The following NCOA2 variants were observed in gnomAD, a reference collection of about 807,000 sequenced individuals.
NCOA2 encodes class E basic helix-loop-helix protein 75.
NCOA2 carries 21 observed loss-of-function variants against 145.1 expected under a neutral mutation model. The observed-to-expected ratio is 0.14, with a 90% CI of 0.10 to 0.21. The LOEUF is 0.21. Ranked by LOEUF, NCOA2 falls within the 10% of genes least tolerant of loss-of-function variation. The pLI is 1.00. For missense variants in NCOA2, 1,472 were observed against 1,837.6 expected, an observed-to-expected ratio of 0.80 and a Z score of 3.64; for synonymous variants, 619 against 637.5, an observed-to-expected ratio of 0.97 and a Z score of 0.44.
chr8:70,268,436 T>C (rs1027237564), intron 2 of NCOA2, among the ~76,000 whole-genome samples: 1 of 152,206 alleles, frequency 6.6e-6, no homozygotes, highest in African/African-American at 2.4e-5. Flanking sequence ...TTTGAACATT[T>C]ACCATTCAGT....
the NCOA2 span, among the ~76,000 whole-genome samples, chr8:70,434,329 C>G: frequency 6.6e-6 from 1 of 152,150 alleles, no homozygotes; most frequent in Non-Finnish European, 1.5e-5. Flanking sequence ...GATACGATAA[C>G]ATTACTTGGA....
chr8:70,128,363 CAG>C, intron 18 of NCOA2, 68 bp downstream of exon 18: 2 of 1,360,538 alleles, frequency 1.5e-6, no homozygotes, highest in Non-Finnish European at 2.1e-6. Context: ...TAACTTTCTT[CAG>C]AGAGGAAGAA....
intron 1 of NCOA2, among the ~76,000 whole-genome samples, chr8:70,382,505 A>T (rs962430671): frequency 1.3e-5 from 2 of 152,216 alleles, no homozygotes; most frequent in African/African-American, 4.8e-5. Flanking sequence ...GGAAAGTTTG[A>T]ATATCTGTTG....
intron 2 of NCOA2, among the ~76,000 whole-genome samples, chr8:70,226,291 G>A (rs1820630939): frequency 6.6e-6 from 1 of 151,974 alleles, no homozygotes; most frequent in Admixed American, 6.6e-5. Flanking sequence ...AGGAAAGAAA[G>A]AAAGAAGAAA....
chr8:70,322,845 T>C (rs1003114184), intron 1 of NCOA2, among the ~76,000 whole-genome samples: 1 of 152,142 alleles, frequency 6.6e-6, no homozygotes, highest in African/African-American at 2.4e-5. Context: ...CCTAATAATA[T>C]AGCCAAAAAA....
chr8:70,454,726 C>G, the NCOA2 span, among the ~76,000 whole-genome samples: 1 of 152,162 alleles, frequency 6.6e-6, no homozygotes, highest in African/African-American at 2.4e-5. Context: ...TTCCACGAGA[C>G]AGGATACCCC....
At chr8:70,339,975 A>G (rs537561640) in intron 1 of NCOA2, among the ~76,000 whole-genome samples, 1 of 152,352 alleles carries the variant, frequency 6.6e-6, no homozygotes, top group African/African-American at 2.4e-5. Context: ...AAAATGCAAA[A>G]CTATAAAAAC....
Position 70,265,919 on chromosome 8 carries a change from C to T in NCOA2, c.-20+30825G>A, listed in dbSNP as rs1824542807. 2.6e-5 allele frequency among the ~76,000 whole-genome samples: 4 copies of T among 151,860 alleles called. No homozygotes were observed. The South Asian group carries it at 6.3e-4, about 24-fold the overall frequency. On this transcript the variant is annotated intron_variant, in intron 2 of 22. Transcript: ENST00000452400. The stretch of plus-strand genomic sequence containing the variant: ...CCAGCACTTTGGGAGGCTGAGGGAT[C>T]ACGAGATCAAGAATTTGAGACCAGC...
intron 2 of NCOA2, among the ~76,000 whole-genome samples, chr8:70,265,307 G>C (rs1162961733): frequency 6.6e-6 from 1 of 152,184 alleles, no homozygotes; most frequent in African/African-American, 2.4e-5. Flanking sequence ...CAGGAAGAGA[G>C]CTCTCACTGG....
intron 4 of NCOA2, among the ~76,000 whole-genome samples, chr8:70,209,584 C>A (rs1039431707): frequency 4.6e-5 from 7 of 152,168 alleles, no homozygotes; most frequent in African/African-American, 1.2e-4. Context: ...CAGCCTTTAG[C>A]AACTCCCACC....
At chr8:70,276,841 C>T (rs777958701) in intron 2 of NCOA2, among the ~76,000 whole-genome samples, 5 of 152,134 alleles carry the variant, frequency 3.3e-5, no homozygotes, top group Non-Finnish European at 7.4e-5. Flanking sequence ...TTCTGATATA[C>T]AGACCTTTAA....
chr8:70,326,118 C>T (rs1806532927), intron 1 of NCOA2, among the ~76,000 whole-genome samples: 2 of 152,178 alleles, frequency 1.3e-5, no homozygotes, highest in Non-Finnish European at 2.9e-5. Context: ...TTTGTCAATT[C>T]TTCCTAGTAC....
chr8:70,216,545 G>A (rs995354409), intron 3 of NCOA2, 115 bp downstream of exon 3: 14 of 833,116 alleles, frequency 1.7e-5, no homozygotes, highest in Non-Finnish European at 2.5e-5. Context: ...AACTGTTAAG[G>A]AGAAAAACCA....
chr8:70,402,901 C>T (rs1461453393), intron 1 of NCOA2, among the ~76,000 whole-genome samples: 1 of 144,110 alleles, frequency 6.9e-6, no homozygotes, highest in African/African-American at 2.5e-5. Flanking sequence ...CACCACGGCC[C>T]GGCCTGCTCG....
At chr8:70,158,351 T>A (rs1404293102) in intron 10 of NCOA2, among the ~76,000 whole-genome samples, 1 of 152,252 alleles carries the variant, frequency 6.6e-6, no homozygotes, top group Non-Finnish European at 1.5e-5. Context: ...ATCATTTTCC[T>A]AAATATGTGC....
intron 1 of NCOA2, among the ~76,000 whole-genome samples, chr8:70,334,174 C>T (rs1444797269): frequency 1.3e-5 from 2 of 152,184 alleles, no homozygotes; most frequent in South Asian, 4.1e-4. Context: ...TTTATATCCT[C>T]CTTATTTATT....
At chr8:70,220,019 C>T (rs1286651594) in intron 2 of NCOA2, among the ~76,000 whole-genome samples, 3 of 152,204 alleles carry the variant, frequency 2.0e-5, no homozygotes, top group Middle Eastern at 6.8e-3. Flanking sequence ...TTTTTCTATA[C>T]AAATGTACAT....
chr8:70,292,600 C>T (rs1229401643), intron 2 of NCOA2, among the ~76,000 whole-genome samples: 3 of 150,822 alleles, frequency 2.0e-5, no homozygotes, highest in Admixed American at 2.0e-4. Context: ...GTAAAAATAT[C>T]GAACAAGGAA....
intron 2 of NCOA2, among the ~76,000 whole-genome samples, chr8:70,228,878 T>C (rs576304456): frequency 6.6e-5 from 10 of 152,208 alleles, no homozygotes; most frequent in Middle Eastern, 3.2e-3. Context: ...ATTTAAACCC[T>C]GGTTCTAGTT....
Sources: allele counts gnomAD v4.1 joint callset (sites outside exome capture counted in the v4.1 genomes callset), GRCh38; gene constraint gnomAD v4.1.1; transcripts MANE v1.5; gene names NCBI Gene and HGNC (gene_info 2026-07-23, HGNC 2026-07-21).